Variants in AP3D1 observed in about 807,000 individuals in gnomAD.
AP3D1 encodes adaptor related protein complex 3 subunit delta 1, also known as AP-3 complex subunit delta-1.
Under a neutral mutation model 147.6 loss-of-function variants are expected in AP3D1, and 51 were observed. The observed-to-expected ratio is 0.35, with a 90% CI of 0.28 to 0.44. The LOEUF (loss-of-function observed/expected upper bound fraction) is 0.44, where lower values mean the gene tolerates loss of function less well. Among genes scored for constraint, AP3D1 ranks in the 20% least tolerant of loss-of-function variants. The pLI is 1.00. For synonymous variants in AP3D1, 760 were observed against 663.0 expected, an observed-to-expected ratio of 1.15 and a Z score of -2.25; for missense variants, 1,421 against 1,624.2, an observed-to-expected ratio of 0.87 and a Z score of 2.15.
chr19:2,132,706 T>C lies in AP3D1; in HGVS notation c.355-128A>G, dbSNP rs1568298746. 9 of 688,322 alleles carry C rather than the reference T, an allele frequency of 1.3e-5. No homozygotes were observed. In the South Asian group the frequency reaches 1.5e-4, roughly 11 times the overall value. The allele number at this position is 688,322 out of a possible 1,614,324, so 42.6% of individuals were successfully genotyped here. On this transcript the variant is annotated intron_variant, in intron 4 of 31. Transcript: ENST00000643116. Reference sequence around the variant, plus strand: ...CAGGACTCGGCATATCCTCTTGGGGTGCAGCTGTGCCTTAGCACCCCTGCT... The same window carrying C: ...CAGGACTCGGCATATCCTCTTGGGGCGCAGCTGTGCCTTAGCACCCCTGCT...
At chr19:2,145,699 G>A (rs923380250) in intron 1 of AP3D1, among the ~76,000 whole-genome samples, 2 of 152,112 alleles carry the variant, frequency 1.3e-5, no homozygotes, top group Admixed American at 6.6e-5. Context: ...TACAAGGGCA[G>A]AACTCACCCC....
intron 9 of AP3D1, among the ~76,000 whole-genome samples, chr19:2,124,298 G>C (rs1485467481): frequency 6.6e-6 from 1 of 152,216 alleles, no homozygotes; most frequent in African/African-American, 2.4e-5. Flanking sequence ...CACTGCTGGG[G>C]GATGAAGCAC....
Position 2,117,289 on chromosome 19 carries a change from C to T in AP3D1, c.1792G>A (p.Ala598Thr), listed in dbSNP as rs752970425. The T allele has an allele frequency of 8.7e-6, 14 of 1,612,736 alleles. No individual in the cohort carries two copies. Among genetic ancestry groups the T allele is most frequent in the African/African-American group, 5.3e-5 (4 of 74,908 alleles). ...KDVPVAEEVS[A>T]LFAGELNPVA... Reference sequence around the variant, plus strand: ...GGGTTCAGCTCCCCAGCAAAGAGAGCGCTGACCTCCTCTGCCACAGGCACG... The same window carrying T: ...GGGTTCAGCTCCCCAGCAAAGAGAGTGCTGACCTCCTCTGCCACAGGCACG... Residue 598 changes from alanine (A) to threonine (T), a missense_variant, in exon 16 of 32, where the codon GCT becomes ACT. Ala to Thr is a moderately conservative substitution (Grantham distance 58). Coordinates refer to ENST00000643116, the MANE Select transcript of AP3D1 (RefSeq NM_001261826.3).
intron 24 of AP3D1, chr19:2,112,490 G>A (rs1051278227): frequency 5.8e-5 from 12 of 207,888 alleles, no homozygotes; most frequent in African/African-American, 2.8e-4. Flanking sequence ...AAGGGGATGC[G>A]TGGGTGCCAG....
At chr19:2,156,119 A>G (rs1568314924), upstream of AP3D1, among the ~76,000 whole-genome samples, 1 of 152,214 alleles carries the variant, frequency 6.6e-6, no homozygotes, top group East Asian at 1.9e-4. Flanking sequence ...TTCTTCCATC[A>G]CTGGGAGTTG....
In AP3D1 at chr19:2,114,294, G is replaced by A; in HGVS notation, c.2432C>T (p.Ala811Val). 6.2e-7 allele frequency: 1 copy of A among 1,611,096 alleles called. No individual in the cohort carries two copies. Among genetic ancestry groups the A allele is most frequent in the Non-Finnish European group, 8.5e-7 (1 of 1,179,160 alleles). ...CTGAATAGGCAGTTTCTCGCTGTCG[G>A]CTAAGGGCCTGGAGGAGGAATGACC... ...ALDIDLDKPL[A>V]DSEKLPIQKH... The change falls in exon 22 of 32, where the codon GCC becomes GTC. Residue 811 changes from alanine to valine, a missense_variant. This residue lies in a region of AP3D1 where 791 missense variants were observed against 761.4 expected (regional missense o/e 1.04). Coordinates refer to ENST00000643116, the MANE Select transcript of AP3D1 (RefSeq NM_001261826.3).
Position 2,111,416 on chromosome 19 carries a change from C to T in AP3D1, c.2938-84G>A, listed in dbSNP as rs2145019528. Reference sequence around the variant, plus strand: ...TCCAGTATGGCCCAATACCCCAGGTCGAATGCCACGACTCCAAGAATGCTT... The same window carrying T: ...TCCAGTATGGCCCAATACCCCAGGTTGAATGCCACGACTCCAAGAATGCTT... On this transcript the variant is annotated intron_variant, in intron 25 of 31. Coordinates refer to ENST00000643116, the MANE Select transcript of AP3D1 (RefSeq NM_001261826.3). The T allele has an allele frequency of 2.1e-5, 32 of 1,517,152 alleles. No homozygotes were observed. In the South Asian group the frequency reaches 3.5e-4, roughly 16 times the overall value. 94.0% of individuals were successfully genotyped at this position (1,517,152 alleles called of 1,614,324 possible).
rs558278244 is a variant in AP3D1 at position 2,159,451 on chromosome 19, C to T, written c.-103+4905G>A. Among the ~76,000 whole-genome samples, 453 of 151,606 alleles carry T rather than the reference C, an allele frequency of 3.0e-3. 1 individual carries two copies. Among genetic ancestry groups the T allele is most frequent in the Non-Finnish European group, 4.1e-3 (279 of 67,904 alleles). On this transcript the variant is annotated intron_variant, in intron 1 of 14. Coordinates refer to the AP3D1 transcript ENST00000643010. ...TGGCCCAGGCTGGAGTGCGGTGGCG[C>T]GATCTCAGCTCACCGCAAGCTCCGC...
At chr19:2,146,998 A>C (rs2019373025) in intron 1 of AP3D1, among the ~76,000 whole-genome samples, 2 of 150,858 alleles carry the variant, frequency 1.3e-5, no homozygotes, top group African/African-American at 4.8e-5. Flanking sequence ...CACAGTGGTG[A>C]GGGGCAGACG....
At chr19:2,154,999 G>A (rs1371807709), upstream of AP3D1, among the ~76,000 whole-genome samples, 1 of 152,030 alleles carries the variant, frequency 6.6e-6, no homozygotes, top group Non-Finnish European at 1.5e-5. Flanking sequence ...GGCGAACATG[G>A]TGAAACCCTG....
intron 1 of AP3D1, among the ~76,000 whole-genome samples, chr19:2,149,283 C>T (rs1047446682): frequency 2.0e-4 from 30 of 152,302 alleles, no homozygotes; most frequent in South Asian, 1.5e-3. Context: ...CAGTGGCTCA[C>T]GCCTGTAATT....
intron 1 of AP3D1, among the ~76,000 whole-genome samples, chr19:2,146,727 G>C (rs530959796): frequency 2.5e-4 from 38 of 152,226 alleles, no homozygotes; most frequent in African/African-American, 8.9e-4. Context: ...CACCACCACC[G>C]TGACAGCACG....
At chr19:2,102,309 A>T (rs764245813) in intron 31 of AP3D1, 41 bp from the exon 32 acceptor site, 2 of 1,550,926 alleles carry the variant, frequency 1.3e-6, no homozygotes, top group Non-Finnish European at 1.8e-6. Flanking sequence ...AAGTGTGTGC[A>T]GGGGCTAGGC....
intron 19 of AP3D1, 34 bp downstream of exon 19, chr19:2,115,504 A>G: frequency 6.2e-7 from 1 of 1,611,316 alleles, no homozygotes; most frequent in Admixed American, 1.7e-5. Flanking sequence ...AGCCCATGTG[A>G]CAAATGCGGC....
chr19:2,148,439 T>G (rs1233338492), intron 1 of AP3D1, among the ~76,000 whole-genome samples: 1 of 152,246 alleles, frequency 6.6e-6, no homozygotes, highest in East Asian at 1.9e-4. Context: ...TTACTGTATG[T>G]GCCTGCACTC....
chr19:2,108,962 C>A, intron 30 of AP3D1, 124 bp downstream of exon 30: 1 of 1,485,796 alleles, frequency 6.7e-7, no homozygotes, highest in South Asian at 1.3e-5. Context: ...GGGCCACCAG[C>A]CACCCGGGAT....
intron 1 of AP3D1, chr19:2,164,346 C>A: frequency 2.0e-6 from 2 of 992,482 alleles, no homozygotes; most frequent in Non-Finnish European, 2.6e-6. Flanking sequence ...CCCCCCCAAG[C>A]CGCGCTCACC....
chr19:2,162,565 G>T (rs530754061), intron 1 of AP3D1, among the ~76,000 whole-genome samples: 22 of 151,572 alleles, frequency 1.5e-4, no homozygotes, highest in Admixed American at 1.4e-3. Flanking sequence ...GGAGGCTGAG[G>T]CAGGAGAAAT....
rs1164328113 is a variant in AP3D1, at chr19:2,131,461, C to T, written c.463-924G>A. 2.8e-5 allele frequency among the ~76,000 whole-genome samples: 4 copies of T among 144,390 alleles called. No homozygotes were observed. In the South Asian group the frequency reaches 8.8e-4, roughly 32 times the overall value. 94.7% of individuals were successfully genotyped at this position (144,390 alleles called of 152,430 possible). On this transcript the variant is annotated intron_variant, in intron 5 of 31. Transcript: ENST00000643116. Reference sequence around the variant, plus strand: ...GACAGGCAGCCACGAGGGGACAGGGCCCATCGGCCACGATCTAGACACCCG... The same window carrying T: ...GACAGGCAGCCACGAGGGGACAGGGTCCATCGGCCACGATCTAGACACCCG...
Sources: allele counts gnomAD v4.1 joint callset (sites outside exome capture counted in the v4.1 genomes callset), GRCh38; gene constraint gnomAD v4.1.1; regional missense constraint gnomAD v4.1.1; transcripts MANE v1.5; gene names NCBI Gene and HGNC (gene_info 2026-07-23, HGNC 2026-07-21).